THEMIS2: variants seen among roughly 807,000 people sequenced by gnomAD.
THEMIS2 encodes the protein thymocyte selection associated family member 2.
THEMIS2 carries 29 observed loss-of-function variants against 46.8 expected under a neutral mutation model. The observed-to-expected ratio is 0.62, with a 90% CI of 0.46 to 0.84. THEMIS2 has a LOEUF of 0.84. Ranked by LOEUF, THEMIS2 falls within the 40% of genes least tolerant of loss-of-function variation. The pLI is 0.00. For synonymous variants in THEMIS2, 335 were observed against 349.1 expected, an observed-to-expected ratio of 0.96 and a Z score of 0.45; for missense variants, 698 against 834.7, an observed-to-expected ratio of 0.84 and a Z score of 2.02.
In THEMIS2 at chr1:27,876,622, C is replaced by CTT; in HGVS notation, c.129_130insTT (p.Leu44PhefsTer7). The CTT allele has an allele frequency of 6.2e-7, 1 of 1,614,006 alleles. No individual in the cohort carries two copies. Among genetic ancestry groups the CTT allele is most frequent in the Non-Finnish European group, 8.5e-7 (1 of 1,179,980 alleles). The stretch of plus-strand genomic sequence containing the variant: ...ATGAGATCTCTGGGAATGAGTGCTG[C>CTT]CTCTCCACGGGGGACCTGATCAAGG... On this transcript the variant is annotated frameshift_variant, in exon 2 of 6. Coordinates refer to ENST00000373921, the MANE Select transcript of THEMIS2 (RefSeq NM_001105556.3). LOFTEE classifies it high-confidence loss of function.
chr1:27,885,557 G>A (rs2089756245), intron 5 of THEMIS2, 106 bp downstream of exon 5: 1 of 1,394,694 alleles, frequency 7.2e-7, no homozygotes, highest in African/African-American at 1.4e-5. Context: ...CCCTTCTATG[G>A]TCCCAGTTTG....
chr1:27,881,368 G>A (rs112963776), intron 3 of THEMIS2, among the ~76,000 whole-genome samples: 5,105 of 150,516 alleles, frequency 0.034, 244 homozygotes, highest in East Asian at 0.25. Flanking sequence ...GGAGAATGGC[G>A]TGAACCCAGG....
chr1:27,877,477 C>T (rs1006674504), intron 2 of THEMIS2, among the ~76,000 whole-genome samples: 5 of 152,202 alleles, frequency 3.3e-5, no homozygotes, highest in Non-Finnish European at 5.9e-5. Flanking sequence ...AGGCGCCCGC[C>T]ACCACACCCA....
At chr1:27,874,398 T>C (rs10902674) in intron 1 of THEMIS2, among the ~76,000 whole-genome samples, 64,339 of 151,682 alleles carry the variant, frequency 0.42, 13,817 homozygotes, top group Middle Eastern at 0.48. Flanking sequence ...CTCAACACTT[T>C]GGGAGGCTGA....
Position 27,882,044 on chromosome 1 carries a change from C to T in THEMIS2, c.720C>T (p.His240=), listed in dbSNP as rs200585422. Residue 240 remains histidine, a synonymous_variant, in exon 4 of 6, where the codon CAC becomes CAT. Coordinates refer to ENST00000373921, the MANE Select transcript of THEMIS2 (RefSeq NM_001105556.3). This position sits in a 1 kb window ranked among gnomAD's most constrained non-coding sequence, Gnocchi z 7.6. ...AGGACGTCACCGCCTCCTCCCGGCA[C>T]GTCCACTTTATCAAACCGCTGCTGC... The part of the protein sequence containing the change: ...DVEDVTASSR[H]VHFIKPLLLS... 48 of 1,614,176 alleles carry T rather than the reference C, an allele frequency of 3.0e-5. No homozygotes were observed. In the East Asian group the frequency reaches 4.7e-4, roughly 16 times the overall value.
In THEMIS2 at chr1:27,876,568, T is replaced by C. The variant is rs1223877987; in HGVS notation, c.95-20T>C. 2 of 1,610,760 alleles carry C rather than the reference T, an allele frequency of 1.2e-6. No individual in the cohort carries two copies. Among genetic ancestry groups the C allele is most frequent in the South Asian group, 1.1e-5 (1 of 90,730 alleles). ...ACTTGGCCCTTGTCCAATGGGGAAA[T>C]GGAGTCCTTGTCTCCGCAGGCTCCA... On this transcript the variant is annotated intron_variant, in intron 1 of 5. Coordinates refer to ENST00000373921, the MANE Select transcript of THEMIS2 (RefSeq NM_001105556.3).
chr1:27,879,708 A>G lies in THEMIS2; in HGVS notation c.300A>G (p.Thr100=). ...YETLEELVSA[T]TQSSKQLPTC... ...CCCTGGAGGAGCTGGTCTCTGCCAC[A>G]ACTCAGAGCTCCAAGCAGCTGCCCA... The change falls in exon 3 of 6, where the codon ACA becomes ACG. Residue 100 remains threonine, a synonymous_variant. Transcript: ENST00000373921. 6.2e-7 allele frequency: 1 copy of G among 1,613,764 alleles called. No homozygotes were observed. Among genetic ancestry groups the G allele is most frequent in the Non-Finnish European group, 8.5e-7 (1 of 1,179,898 alleles).
chr1:27,881,023 G>A (rs2089669397), intron 3 of THEMIS2, among the ~76,000 whole-genome samples: 1 of 151,330 alleles, frequency 6.6e-6, no homozygotes, highest in Admixed American at 6.6e-5. Flanking sequence ...CAGGTGATCT[G>A]CCCACCTCGG....
Position 27,883,010 on chromosome 1 carries a change from G to A in THEMIS2, c.1686G>A (p.Lys562=). The A allele has an allele frequency of 6.2e-7, 1 of 1,613,468 alleles. No homozygotes were observed. Among genetic ancestry groups the A allele is most frequent in the Non-Finnish European group, 8.5e-7 (1 of 1,179,868 alleles). ...PRPPKNQGLS[K]QRRHSSEGGV... Reference sequence around the variant, plus strand: ...CCCCTAAAAATCAGGGCCTCAGCAAGCAGAGGAGACACAGCAGTGAGGGAG... The same window carrying A: ...CCCCTAAAAATCAGGGCCTCAGCAAACAGAGGAGACACAGCAGTGAGGGAG... Residue 562 remains lysine, a synonymous_variant, in exon 4 of 6, where the codon AAG becomes AAA. Coordinates refer to ENST00000373921, the MANE Select transcript of THEMIS2 (RefSeq NM_001105556.3).
chr1:27,876,673 G>A lies in THEMIS2; in HGVS notation c.180G>A (p.Val60=), dbSNP rs750615441. Residue 60 remains valine (V), a synonymous_variant, in exon 2 of 6, where the codon GTG becomes GTA. Transcript: ENST00000373921. ...TCACCCAGGTCCGCCTCCAGAAGGT[G>A]GTCTGTGAGAACCCGAAGACCAGCC... is the stretch of plus-strand genomic sequence containing the variant. ...IKVTQVRLQK[V]VCENPKTSQT... is the part of the protein sequence containing the mutation. 4.3e-6 allele frequency: 7 copies of A among 1,614,060 alleles called. No individual in the cohort carries two copies. Among genetic ancestry groups the A allele is most frequent in the Non-Finnish European group, 5.1e-6 (6 of 1,179,996 alleles).
chr1:27,883,077 C>T (rs1571590831), intron 4 of THEMIS2, 34 bp downstream of exon 4: 2 of 1,550,086 alleles, frequency 1.3e-6, no homozygotes, highest in Non-Finnish European at 1.8e-6. Flanking sequence ...ACGGAGGGGT[C>T]ACCTATTGGG....
In THEMIS2 at chr1:27,879,688, G is replaced by A. The variant is rs768112330; in HGVS notation, c.280G>A (p.Glu94Lys). The change falls in exon 3 of 6, where the codon GAG (glutamate) becomes AAG (lysine). Residue 94 changes from glutamate (E) to lysine (K), a missense_variant. Transcript: ENST00000373921. The part of the protein sequence containing the change: ...LNTPQSYETL[E>K]ELVSATTQSS... ...CACCCCACAGAGCTATGAAACCCTG[G>A]AGGAGCTGGTCTCTGCCACAACTCA... 6.2e-7 allele frequency: 1 copy of A among 1,613,086 alleles called. No individual in the cohort carries two copies. Among genetic ancestry groups the A allele is most frequent in the East Asian group, 2.2e-5 (1 of 44,844 alleles).
intron 2 of THEMIS2, among the ~76,000 whole-genome samples, chr1:27,877,062 G>A (rs1433238582): frequency 4.6e-5 from 7 of 152,204 alleles, no homozygotes; most frequent in Admixed American, 1.3e-4. Context: ...TCCGTGTGGC[G>A]GGCTGTGGGT....
chr1:27,873,077 C>T (rs1030323744), intron 1 of THEMIS2, among the ~76,000 whole-genome samples: 5 of 152,000 alleles, frequency 3.3e-5, no homozygotes, highest in Non-Finnish European at 5.9e-5. Context: ...TCCCCCGGCC[C>T]TCCTCTACAC....
At chr1:27,877,618 T>C (rs112970757) in intron 2 of THEMIS2, among the ~76,000 whole-genome samples, 2,057 of 151,736 alleles carry the variant, frequency 0.014, 24 homozygotes, top group Admixed American at 0.029. Flanking sequence ...TGAGCCACCA[T>C]GCCCGGCCAG....
At position 27,876,688 on chromosome 1, in the gene THEMIS2, G is replaced by T. The variant is rs751660948; in HGVS notation, c.195G>T (p.Pro65=). The change falls in exon 2 of 6, where the codon CCG becomes CCT. Residue 65 remains proline (P), a synonymous_variant. Transcript: ENST00000373921. ...VRLQKVVCEN[P]KTSQTMELAP... ...TCCAGAAGGTGGTCTGTGAGAACCC[G>T]AAGACCAGCCAGACCATGGAGCTCG... The T allele has an allele frequency of 1.9e-6, 3 of 1,613,994 alleles. No individual in the cohort carries two copies. Among genetic ancestry groups the T allele is most frequent in the Admixed American group, 3.3e-5 (2 of 59,988 alleles).
In THEMIS2 at chr1:27,879,963, A is replaced by G; in HGVS notation, c.555A>G (p.Pro185=). ...PRTLLQVLQD[P]ALKDLVLTCP... Reference sequence around the variant, plus strand: ...CTCTGCTCCAGGTCCTACAGGATCCAGCCCTGAAAGACCTCGTCCTCACCT... The same window carrying G: ...CTCTGCTCCAGGTCCTACAGGATCCGGCCCTGAAAGACCTCGTCCTCACCT... Residue 185 remains proline (P), a synonymous_variant, in exon 3 of 6, where the codon CCA becomes CCG. Transcript: ENST00000373921. The G allele has an allele frequency of 6.2e-7, 1 of 1,612,690 alleles. No homozygotes were observed. Among genetic ancestry groups the G allele is most frequent in the Non-Finnish European group, 8.5e-7 (1 of 1,179,408 alleles).
At chr1:27,879,323 G>T (rs1363654448) in intron 2 of THEMIS2, among the ~76,000 whole-genome samples, 1 of 152,094 alleles carries the variant, frequency 6.6e-6, no homozygotes, top group African/African-American at 2.4e-5. Context: ...AGGCAGGTAG[G>T]GTCAGGAGCT....
chr1:27,878,836 C>G (rs146082808), intron 2 of THEMIS2, among the ~76,000 whole-genome samples: 2 of 152,148 alleles, frequency 1.3e-5, no homozygotes, highest in African/African-American at 2.4e-5. Flanking sequence ...AGTTTTTCCC[C>G]TCAATCCAGA....
Sources: gnomAD v4.1 joint callset for allele counts (sites outside exome capture counted in the v4.1 genomes callset) on GRCh38, gnomAD v4.1.1 for gene constraint, Gnocchi (gnomAD v3.1) non-coding constraint, MANE v1.5 for transcripts, NCBI Gene and HGNC (gene_info 2026-07-23, HGNC 2026-07-21) for gene names.